PAX8: variants seen among roughly 807,000 people sequenced by gnomAD.
PAX8 encodes paired box protein Pax-8.
In PAX8, 15 loss-of-function variants were observed where a neutral mutation model predicts 52.4. The ratio of observed to expected loss-of-function variants is 0.29; its 90% CI spans 0.19 to 0.44. PAX8 has a LOEUF of 0.44. Ranked by LOEUF, PAX8 falls within the 20% of genes least tolerant of loss-of-function variation. PAX8 has a pLI of 1.00. For synonymous variants in PAX8, 284 were observed against 249.7 expected (o/e 1.14, Z -1.29); for missense variants, 554 against 602.5 (o/e 0.92, Z 0.84).
At chr2:113,264,252 C>A (rs2104576153) in intron 2 of PAX8, among the ~76,000 whole-genome samples, 1 of 152,336 alleles carries the variant, frequency 6.6e-6, no homozygotes, top group African/African-American at 2.4e-5. Flanking sequence ...ATCTGGCCTT[C>A]AAGCATAGGC....
At position 113,267,974 on chromosome 2, in the gene PAX8, C is replaced by G. The variant is rs567744512; in HGVS notation, c.25+10396G>C. On this transcript the variant is annotated intron_variant, in intron 2 of 11. Coordinates refer to ENST00000429538, the MANE Select transcript of PAX8 (RefSeq NM_003466.4). Reference sequence around the variant, plus strand: ...CAGCCAGGTGTCCAGGCTATAAGATCTAAGGAGGCACTTGCTCTCAGGGCC... The same window carrying G: ...CAGCCAGGTGTCCAGGCTATAAGATGTAAGGAGGCACTTGCTCTCAGGGCC... 2.0e-5 allele frequency: 3 copies of G among 152,332 alleles called. No individual in the cohort carries two copies. In the East Asian group the frequency reaches 5.8e-4, roughly 29 times the overall value. 9.4% of individuals were successfully genotyped at this position (152,332 alleles called of 1,614,324 possible).
intron 2 of PAX8, among the ~76,000 whole-genome samples, chr2:113,254,828 C>T (rs1692075801): frequency 6.6e-6 from 1 of 152,150 alleles, no homozygotes; most frequent in Non-Finnish European, 1.5e-5. Flanking sequence ...GCCTGGAGTG[C>T]CCGTCCTCAC....
At chr2:113,227,299 C>T in intron 9 of PAX8, 43 bp from the exon 10 acceptor site, 1 of 1,453,074 alleles carries the variant, frequency 6.9e-7, no homozygotes, top group South Asian at 1.2e-5. Flanking sequence ...ACCATGGGGG[C>T]TCCCATATGT....
At chr2:113,231,386 C>T (rs1248991398) in intron 9 of PAX8, among the ~76,000 whole-genome samples, 1 of 152,238 alleles carries the variant, frequency 6.6e-6, no homozygotes, top group Non-Finnish European at 1.5e-5. Flanking sequence ...GAACTGGCAG[C>T]AATGTTAGGG....
chr2:113,269,050 C>T (rs181722053), intron 2 of PAX8: 10 of 152,266 alleles, frequency 6.6e-5, no homozygotes, highest in East Asian at 5.8e-4. Flanking sequence ...CCCCAAGGCT[C>T]GAAGGACCCA....
At chr2:113,221,856 C>G (rs577164731) in intron 10 of PAX8, among the ~76,000 whole-genome samples, 1 of 151,658 alleles carries the variant, frequency 6.6e-6, no homozygotes, top group Non-Finnish European at 1.5e-5. Context: ...AAGTCAATGA[C>G]GGACTGAGAA....
rs1691144207 is a variant in PAX8 at position 113,244,461 on chromosome 2, T to C, written c.355A>G (p.Asn119Asp). The change falls in exon 4 of 12, where the codon AAT (asparagine) becomes GAT (aspartate). Residue 119 changes from asparagine (N) to aspartate (D), a missense_variant. Around this residue, in one of 2 missense-constraint regions of PAX8, gnomAD observed 109 missense variants for 192.7 expected, o/e 0.57. Coordinates refer to ENST00000429538, the MANE Select transcript of PAX8 (RefSeq NM_003466.4). Reference protein sequence around the residue: ...DRLLAEGVCDNDTVPSVSSIN... With the variant: ...DRLLAEGVCDDDTVPSVSSIN... ...GAGCTGACACTGGGCACAGTGTCAT[T>C]GTCACAGACGCCCTCAGCCAGGAGC... 1 of 1,614,016 alleles carries C rather than the reference T, an allele frequency of 6.2e-7. No homozygotes were observed. The highest frequency in any genetic ancestry group is 1.1e-5 in the South Asian group (1 of 91,090).
At chr2:113,276,729 A>G (rs1232508591) in intron 2 of PAX8, 1 of 151,108 alleles carries the variant, frequency 6.6e-6, no homozygotes, top group Non-Finnish European at 1.5e-5. Context: ...GCAGAGAGTA[A>G]GGGTCCAGCC....
At chr2:113,267,333 A>G (rs191416057) in intron 2 of PAX8, 3 of 152,364 alleles carry the variant, frequency 2.0e-5, no homozygotes, top group African/African-American at 7.2e-5. Context: ...TGAACCCCAG[A>G]GACCTAGTGG....
chr2:113,228,988 T>C (rs1689739977), intron 9 of PAX8, among the ~76,000 whole-genome samples: 1 of 152,200 alleles, frequency 6.6e-6, no homozygotes, highest in Admixed American at 6.5e-5. Context: ...AAATACTATA[T>C]TCTAGACACT....
At chr2:113,241,448 G>C (rs1251040290) in intron 7 of PAX8, 103 bp downstream of exon 7, 7 of 1,175,604 alleles carry the variant, frequency 6.0e-6, no homozygotes, top group Non-Finnish European at 8.6e-6. Context: ...TGAGCCCATT[G>C]ATGCAACTTC....
chr2:113,268,155 A>G (rs1693218634), intron 2 of PAX8: 1 of 152,368 alleles, frequency 6.6e-6, no homozygotes. Context: ...GTGAGTGTGC[A>G]TGGGTGTGTG....
At chr2:113,225,968 G>C (rs1280812376) in intron 10 of PAX8, 1 of 984,810 alleles carries the variant, frequency 1.0e-6, no homozygotes, top group Non-Finnish European at 1.2e-6. Context: ...AGGGAGTCCG[G>C]GGCCAGGAGG....
chr2:113,274,804 A>G (rs1361020954), intron 2 of PAX8: 1 of 152,240 alleles, frequency 6.6e-6, no homozygotes, highest in African/African-American at 2.4e-5. Flanking sequence ...GACAGATTTT[A>G]CTTTTCACAA....
intron 4 of PAX8, among the ~76,000 whole-genome samples, chr2:113,243,825 G>C (rs947072505): frequency 1.3e-5 from 2 of 152,308 alleles, no homozygotes; most frequent in African/African-American, 4.8e-5. Context: ...AAATAATCCT[G>C]TGCTACCTTG....
intron 10 of PAX8, among the ~76,000 whole-genome samples, chr2:113,224,885 A>G (rs1689477827): frequency 7.0e-6 from 1 of 142,500 alleles, no homozygotes; most frequent in East Asian, 2.1e-4. Flanking sequence ...ATAAAATAAA[A>G]TAGAAACAGA....
At chr2:113,233,801 G>A (rs982710735) in intron 9 of PAX8, among the ~76,000 whole-genome samples, 4 of 152,162 alleles carry the variant, frequency 2.6e-5, no homozygotes, top group African/African-American at 9.7e-5. Flanking sequence ...GGGCTTTCTA[G>A]GGGCAGGGAC....
chr2:113,246,690 C>T (rs1691344452), intron 3 of PAX8, 64 bp downstream of exon 3: 1 of 1,562,666 alleles, frequency 6.4e-7, no homozygotes, highest in Admixed American at 1.7e-5. Context: ...TCTAGCTGCC[C>T]TGAGATCAGC....
At chr2:113,256,416 A>T (rs1373030160) in intron 2 of PAX8, among the ~76,000 whole-genome samples, 1 of 152,110 alleles carries the variant, frequency 6.6e-6, no homozygotes, top group Non-Finnish European at 1.5e-5. Flanking sequence ...GCTCTGGGAG[A>T]GCTGAGAGCT....
Sources: gnomAD v4.1 joint callset for allele counts (sites outside exome capture counted in the v4.1 genomes callset) on GRCh38, gnomAD v4.1.1 for gene constraint, gnomAD v4.1.1 regional missense constraint, MANE v1.5 for transcripts, NCBI Gene and HGNC (gene_info 2026-07-23, HGNC 2026-07-21) for gene names.